Variants in TOX3 observed in about 807,000 individuals in gnomAD.
The protein encoded by TOX3 is CAG trinucleotide repeat-containing gene F9 protein.
In TOX3, 22 loss-of-function variants were observed where a neutral mutation model predicts 64.3. That is an observed-to-expected ratio of 0.34 (90% confidence interval 0.24 to 0.49). The LOEUF (loss-of-function observed/expected upper bound fraction) is 0.49, where lower values mean the gene tolerates loss of function less well. Among genes scored for constraint, TOX3 ranks in the 20% least tolerant of loss-of-function variants. The pLI is 0.99. For missense variants in TOX3, 661 were observed against 714.4 expected (o/e 0.93, Z 0.85); for synonymous variants, 291 against 273.6 (o/e 1.06, Z -0.63).
chr16:52,535,535 C>T (rs1343547944), intron 1 of TOX3, among the ~76,000 whole-genome samples: 7 of 152,148 alleles, frequency 4.6e-5, no homozygotes, highest in African/African-American at 1.4e-4. Flanking sequence ...GTTTAAGAAG[C>T]CTCCATACTA....
intron 6 of TOX3, among the ~76,000 whole-genome samples, chr16:52,443,230 T>A (rs1960056309): frequency 6.6e-6 from 1 of 152,222 alleles, no homozygotes; most frequent in African/African-American, 2.4e-5. Flanking sequence ...AATGTGCAAG[T>A]CTGAGTACAA....
chr16:52,501,823 C>T (rs1008517388), intron 1 of TOX3, among the ~76,000 whole-genome samples: 5 of 152,302 alleles, frequency 3.3e-5, no homozygotes, highest in South Asian at 2.1e-4. Context: ...GCCTCCCTAT[C>T]GAGAATGGTC....
At chr16:52,541,876 A>C (rs1963083466) in intron 1 of TOX3, among the ~76,000 whole-genome samples, 1 of 152,218 alleles carries the variant, frequency 6.6e-6, no homozygotes, top group East Asian at 1.9e-4. Context: ...TATACACCAC[A>C]CACTTAGAAC....
At chr16:52,486,967 A>G (rs1386822343) in intron 1 of TOX3, among the ~76,000 whole-genome samples, 1 of 152,102 alleles carries the variant, frequency 6.6e-6, no homozygotes, top group African/African-American at 2.4e-5. Context: ...TAAAAGAAAA[A>G]AAGTGGTGAC....
chr16:52,480,096 G>A (rs1220828580), intron 1 of TOX3, among the ~76,000 whole-genome samples: 1 of 152,118 alleles, frequency 6.6e-6, no homozygotes, highest in African/African-American at 2.4e-5. Flanking sequence ...ATGCCTCATT[G>A]GCCATTGCAA....
chr16:52,534,982 T>C (rs773729583), intron 1 of TOX3, among the ~76,000 whole-genome samples: 1 of 152,152 alleles, frequency 6.6e-6, no homozygotes, highest in African/African-American at 2.4e-5. Context: ...GTATTTTAAG[T>C]GTGCCCAAAA....
At chr16:52,478,549 T>C (rs1340388559) in intron 1 of TOX3, among the ~76,000 whole-genome samples, 1 of 152,230 alleles carries the variant, frequency 6.6e-6, no homozygotes, top group Admixed American at 6.5e-5. Context: ...CCATTCACTA[T>C]TTCTCTCCGT....
intron 1 of TOX3, among the ~76,000 whole-genome samples, chr16:52,526,073 T>C (rs903671981): frequency 1.3e-5 from 2 of 152,208 alleles, no homozygotes; most frequent in Non-Finnish European, 2.9e-5. Context: ...AGTATTCTCA[T>C]ACTTTTCTGC....
intron 3 of TOX3, among the ~76,000 whole-genome samples, chr16:52,459,224 G>T (rs1324363556): frequency 6.6e-6 from 1 of 152,082 alleles, no homozygotes; most frequent in South Asian, 2.1e-4. Context: ...GCTGAGGATC[G>T]CTTGAACACG....
In TOX3 at chr16:52,439,103, A is replaced by C. The variant is rs1959845818; in HGVS notation, c.*122T>G. The C allele has an allele frequency of 1.4e-6, 2 of 1,404,122 alleles. No homozygotes were observed. The highest frequency in any genetic ancestry group is 2.0e-6 in the Non-Finnish European group (2 of 1,019,878). The allele number at this position is 1,404,122 out of a possible 1,614,324, so 87.0% of individuals were successfully genotyped here. A position where few individuals can be genotyped will look rare whatever the true frequency, so the allele number is the denominator to read the frequency against. On this transcript the variant is annotated 3_prime_UTR_variant, in exon 7 of 7. Transcript: ENST00000219746. ...GCCTATCTAATAGACACTTGAGAGGACCGTTTGATCTGTTACACATTTCTG... is the reference window on the plus strand; with the variant it reads ...GCCTATCTAATAGACACTTGAGAGGCCCGTTTGATCTGTTACACATTTCTG...
intron 1 of TOX3, among the ~76,000 whole-genome samples, chr16:52,542,289 C>T (rs1357825543): frequency 1.3e-5 from 2 of 152,122 alleles, no homozygotes; most frequent in African/African-American, 4.8e-5. Flanking sequence ...CAGAACTGTC[C>T]ACATAGTTGC....
chr16:52,455,050 A>C (rs1435754785), intron 3 of TOX3, among the ~76,000 whole-genome samples: 1 of 152,192 alleles, frequency 6.6e-6, no homozygotes, highest in African/African-American at 2.4e-5. Flanking sequence ...CAAAGCAGCT[A>C]TTGGGTTCTA....
chr16:52,528,526 AC>A (rs1567352217), intron 1 of TOX3, among the ~76,000 whole-genome samples: 2 of 152,060 alleles, frequency 1.3e-5, no homozygotes, highest in African/African-American at 4.8e-5. Flanking sequence ...AAATGGTGGA[AC>A]CCCAGTTCAA....
intron 3 of TOX3, 142 bp from the exon 4 acceptor site, chr16:52,450,688 C>T: frequency 9.5e-7 from 1 of 1,054,574 alleles, no homozygotes; most frequent in South Asian, 1.6e-5. Context: ...GGTCTCCGTT[C>T]ATTTATTAAA....
chr16:52,441,191 A>G (rs1358315594), intron 6 of TOX3, among the ~76,000 whole-genome samples: 1 of 152,188 alleles, frequency 6.6e-6, no homozygotes, highest in Non-Finnish European at 1.5e-5. Context: ...AACAGTTACT[A>G]TTACCAGAAA....
intron 1 of TOX3, among the ~76,000 whole-genome samples, chr16:52,491,379 CA>C (rs1961683107): frequency 6.6e-6 from 1 of 152,214 alleles, no homozygotes; most frequent in African/African-American, 2.4e-5. Flanking sequence ...TGAGCGCCCC[CA>C]GTAGACATGT....
rs138824693 is a variant in TOX3 at position 52,538,776 on chromosome 16, C to T, written c.87+7861G>A. 7.1e-3 allele frequency among the ~76,000 whole-genome samples: 1,080 copies of T among 152,136 alleles called. 13 individuals are homozygous for T. Among genetic ancestry groups the T allele is most frequent in the African/African-American group, 0.025 (1,035 of 41,512 alleles). ...ATACAAGAAGGGCCATTTTCCAGGG[C>T]CTGGCATGTTTTACACAAGCATGAA... On this transcript the variant is annotated intron_variant, in intron 1 of 6. Transcript: ENST00000219746.
At chr16:52,532,495 C>T (rs1042703257) in intron 1 of TOX3, among the ~76,000 whole-genome samples, 1 of 152,232 alleles carries the variant, frequency 6.6e-6, no homozygotes, top group Non-Finnish European at 1.5e-5. Flanking sequence ...GAAGCAAACC[C>T]TCCCTGCCAA....
At chr16:52,478,455 T>G (rs1213706000) in intron 1 of TOX3, among the ~76,000 whole-genome samples, 1 of 152,220 alleles carries the variant, frequency 6.6e-6, no homozygotes, top group Non-Finnish European at 1.5e-5. Flanking sequence ...TGTGCCCTCC[T>G]TGTCTCTTGC....
Sources: allele counts gnomAD v4.1 joint callset (sites outside exome capture counted in the v4.1 genomes callset), GRCh38; gene constraint gnomAD v4.1.1; transcripts MANE v1.5; gene names NCBI Gene and HGNC (gene_info 2026-07-23, HGNC 2026-07-21).